FRRS1: variants seen among roughly 807,000 people sequenced by gnomAD.
FRRS1 encodes ferric chelate reductase 1.
FRRS1 carries 51 observed loss-of-function variants against 70.7 expected under a neutral mutation model. The ratio of observed to expected loss-of-function variants is 0.72; its 90% CI spans 0.58 to 0.91. The LOEUF is 0.91. Ranked by LOEUF, FRRS1 falls within the 40% of genes least tolerant of loss-of-function variation. FRRS1 has a pLI of 0.00. For missense variants in FRRS1, 672 were observed against 726.0 expected, an observed-to-expected ratio of 0.93 and a Z score of 0.86; for synonymous variants, 225 against 238.7, an observed-to-expected ratio of 0.94 and a Z score of 0.53.
chr1:99,759,896 C>T (rs561348669), intron 1 of FRRS1, among the ~76,000 whole-genome samples: 1 of 152,298 alleles, frequency 6.6e-6, no homozygotes, highest in East Asian at 1.9e-4. Flanking sequence ...AATCTAACTG[C>T]AATAGCCATG....
At chr1:99,718,079 T>C (rs1205381029) in intron 10 of FRRS1, among the ~76,000 whole-genome samples, 1 of 152,226 alleles carries the variant, frequency 6.6e-6, no homozygotes, top group Non-Finnish European at 1.5e-5. Flanking sequence ...ACAATAAAGT[T>C]ACTTTCAAGC....
intron 9 of FRRS1, among the ~76,000 whole-genome samples, chr1:99,727,037 T>C (rs1272436997): frequency 6.6e-6 from 1 of 152,234 alleles, no homozygotes; most frequent in Non-Finnish European, 1.5e-5. Context: ...TCTAAAGTAC[T>C]GAATACACAG....
Position 99,715,589 on chromosome 1 carries a change from A to T in FRRS1, c.1320T>A (p.Ser440Arg), listed in dbSNP as rs762395237. ...ACCCTATTTAAGATATACTTACCCT[A>T]CTCCAGCCTCCCCTGTATATAAACG... is the stretch of plus-strand genomic sequence containing the variant. ...VMPFIYRGGWSRHAGYHPYLG... is the reference protein window; with the variant it reads ...VMPFIYRGGWRRHAGYHPYLG... The change falls in exon 12 of 17, where the codon AGT (serine) becomes AGA (arginine). Residue 440 changes from serine (S) to arginine (R), a missense_variant. By Grantham distance (110) the Ser-to-Arg change is moderately radical. Coordinates refer to ENST00000646001, the MANE Select transcript of FRRS1 (RefSeq NM_001361041.2). 6.3e-7 allele frequency: 1 copy of T among 1,595,096 alleles called. No homozygotes were observed. Among genetic ancestry groups the T allele is most frequent in the Non-Finnish European group, 8.6e-7 (1 of 1,162,824 alleles).
chr1:99,714,975 G>A (rs1176109735), intron 12 of FRRS1, among the ~76,000 whole-genome samples: 1 of 152,150 alleles, frequency 6.6e-6, no homozygotes, highest in East Asian at 1.9e-4. Flanking sequence ...CTTCATTTGT[G>A]ACATGGGATT....
chr1:99,750,363 T>C (rs770251941), intron 1 of FRRS1, among the ~76,000 whole-genome samples: 1 of 152,186 alleles, frequency 6.6e-6, no homozygotes, highest in Non-Finnish European at 1.5e-5. Context: ...CAAGGCATAC[T>C]GAAAGGCAGA....
At position 99,704,380 on chromosome 1, in the gene FRRS1, G is replaced by C. The variant is rs1653973120; in HGVS notation, c.*4648C>G. ...TGTTGGACAGCAAGTCAGGGAAGGA[G>C]CTAGAACTTGATAAACTAGCTTTTG... On this transcript the variant is annotated 3_prime_UTR_variant, in exon 17 of 17. Transcript: ENST00000646001. Among the ~76,000 whole-genome samples the C allele has an allele frequency of 6.6e-6, 1 of 152,216 alleles. No individual in the cohort carries two copies. The highest frequency in any genetic ancestry group is 6.5e-5 in the Admixed American group (1 of 15,284).
Position 99,705,610 on chromosome 1 carries a change from G to C in FRRS1, c.*3418C>G. Among the ~76,000 whole-genome samples the C allele has an allele frequency of 6.6e-6, 1 of 152,170 alleles. No individual in the cohort carries two copies. Among genetic ancestry groups the C allele is most frequent in the East Asian group, 1.9e-4 (1 of 5,198 alleles). On this transcript the variant is annotated 3_prime_UTR_variant, in exon 17 of 17. Transcript: ENST00000646001. The stretch of plus-strand genomic sequence containing the variant: ...GCCTGGACTGGTGCAGGATGTGGAA[G>C]GGATGAGGTATTGCTTAACACACAT...
intron 10 of FRRS1, among the ~76,000 whole-genome samples, chr1:99,718,794 T>A (rs1654662132): frequency 6.6e-6 from 1 of 152,204 alleles, no homozygotes; most frequent in African/African-American, 2.4e-5. Flanking sequence ...ACTATTGTTA[T>A]AATTAATCAA....
chr1:99,743,184 G>C (rs1037000522), intron 4 of FRRS1, among the ~76,000 whole-genome samples: 3 of 152,070 alleles, frequency 2.0e-5, no homozygotes, highest in Non-Finnish European at 4.4e-5. Context: ...ATAAAATTAA[G>C]GAAAAAGTCT....
At chr1:99,732,391 C>A (rs1655436144) in intron 7 of FRRS1, among the ~76,000 whole-genome samples, 1 of 152,012 alleles carries the variant, frequency 6.6e-6, no homozygotes, top group Non-Finnish European at 1.5e-5. Context: ...GTGGGAGAAA[C>A]AAAAATGACT....
Position 99,728,627 on chromosome 1 carries a change from T to C in FRRS1, c.872A>G (p.Asp291Gly). The change falls in exon 9 of 17, where the codon GAT becomes GGT. Residue 291 changes from aspartate to glycine, a missense_variant. Transcript: ENST00000646001. ...PVMDSRDTLE[D>G]MAWRLADGVM... ...ACCGTCCGCCAACCTCCAAGCCATA[T>C]CCTCAAGGGTATCCTACAAACACAC... 6.2e-7 allele frequency: 1 copy of C among 1,613,608 alleles called. No homozygotes were observed. The highest frequency in any genetic ancestry group is 8.5e-7 in the Non-Finnish European group (1 of 1,179,696).
chr1:99,737,020 T>C (rs1403638923), intron 7 of FRRS1, among the ~76,000 whole-genome samples: 2 of 134,974 alleles, frequency 1.5e-5, no homozygotes, highest in Non-Finnish European at 3.0e-5. Context: ...TAAATCCTGA[T>C]AAGAAGAAAA....
chr1:99,762,796 G>A (rs1247644559), intron 1 of FRRS1, among the ~76,000 whole-genome samples: 1 of 151,940 alleles, frequency 6.6e-6, no homozygotes, highest in Non-Finnish European at 1.5e-5. Flanking sequence ...CACTCTTTTG[G>A]TCCCCAACTT....
intron 5 of FRRS1, 114 bp downstream of exon 5, chr1:99,742,065 G>A (rs1350064790): frequency 6.0e-6 from 4 of 668,462 alleles, no homozygotes; most frequent in Admixed American, 5.0e-5. Flanking sequence ...ATGTTGCCCA[G>A]GCCAGTCTCA....
chr1:99,742,149 T>C, intron 5 of FRRS1, 30 bp downstream of exon 5: 1 of 1,397,700 alleles, frequency 7.2e-7, no homozygotes, highest in Non-Finnish European at 1.0e-6. Flanking sequence ...CCACCATGCC[T>C]GGCCCAGAAT....
At chr1:99,711,685 C>T (rs1654278717) in intron 14 of FRRS1, among the ~76,000 whole-genome samples, 1 of 152,070 alleles carries the variant, frequency 6.6e-6, no homozygotes, top group South Asian at 2.1e-4. Flanking sequence ...CATAAGTATT[C>T]CTGACTTTTG....
At chr1:99,746,355 C>T (rs534713068) in intron 4 of FRRS1, among the ~76,000 whole-genome samples, 2 of 152,270 alleles carry the variant, frequency 1.3e-5, no homozygotes, top group East Asian at 3.9e-4. Flanking sequence ...ATTGAAGATA[C>T]TATCGTTATT....
intron 7 of FRRS1, among the ~76,000 whole-genome samples, chr1:99,733,574 T>C (rs768864695): frequency 2.0e-5 from 3 of 152,206 alleles, no homozygotes; most frequent in African/African-American, 7.2e-5. Context: ...ATTGGCCGAA[T>C]TGGCGTCAGT....
rs185570198 is a variant in FRRS1, at chr1:99,733,686, G to A, written c.760-3938C>T. ...TATATAAAAGGGAAAGGCAAGTGCA[G>A]AGGAAAGAAAACTCGTATTTTCATA... On this transcript the variant is annotated intron_variant, in intron 7 of 16. Transcript: ENST00000646001. Among the ~76,000 whole-genome samples the A allele has an allele frequency of 2.6e-5, 4 of 152,314 alleles. No homozygotes were observed. In the East Asian group the frequency reaches 7.7e-4, roughly 29 times the overall value.
Sources: gnomAD v4.1 joint callset for allele counts (sites outside exome capture counted in the v4.1 genomes callset) on GRCh38, gnomAD v4.1.1 for gene constraint, MANE v1.5 for transcripts, NCBI Gene and HGNC (gene_info 2026-07-23, HGNC 2026-07-21) for gene names.